The following MCTP1 variants were observed in gnomAD, a reference collection of about 807,000 sequenced individuals.
MCTP1 encodes the protein multiple C2 and transmembrane domain-containing protein 1.
In MCTP1, 69 loss-of-function variants were observed where a neutral mutation model predicts 120.6. That is an observed-to-expected ratio of 0.57 (90% CI 0.47 to 0.70). The LOEUF (loss-of-function observed/expected upper bound fraction) is 0.70, where lower values mean the gene tolerates loss of function less well. Ranked by LOEUF, MCTP1 falls within the 30% of genes least tolerant of loss-of-function variation. The pLI is 0.00. For missense variants in MCTP1, 1,203 were observed against 1,248.8 expected, an observed-to-expected ratio of 0.96 and a Z score of 0.55; for synonymous variants, 529 against 493.1, an observed-to-expected ratio of 1.07 and a Z score of -0.96.
At chr5:95,200,059 G>C (rs893053065) in intron 1 of MCTP1, among the ~76,000 whole-genome samples, 7 of 151,784 alleles carry the variant, frequency 4.6e-5, no homozygotes, top group African/African-American at 1.7e-4. Flanking sequence ...TACTTGGGAG[G>C]CTGAGGCAGG....
intron 1 of MCTP1, among the ~76,000 whole-genome samples, chr5:95,159,940 A>G: frequency 6.6e-6 from 1 of 152,134 alleles, no homozygotes; most frequent in East Asian, 1.9e-4. Context: ...AAGAGTCAAC[A>G]CACCTGGAAA....
chr5:95,125,720 T>C (rs1758572368), intron 1 of MCTP1, among the ~76,000 whole-genome samples: 1 of 152,236 alleles, frequency 6.6e-6, no homozygotes, highest in African/African-American at 2.4e-5. Context: ...TTCCAAGGGT[T>C]TGAAATAGTA....
intron 1 of MCTP1, among the ~76,000 whole-genome samples, chr5:95,103,194 C>T (rs1756864624): frequency 6.6e-6 from 1 of 151,744 alleles, no homozygotes; most frequent in Non-Finnish European, 1.5e-5. Context: ...AGCATTTCAA[C>T]AAAGTAGAAA....
chr5:94,722,713 T>C (rs1224134726), intron 19 of MCTP1, among the ~76,000 whole-genome samples: 1 of 152,194 alleles, frequency 6.6e-6, no homozygotes, highest in African/African-American at 2.4e-5. Context: ...CTTGCTTACA[T>C]AACCTTTGGC....
chr5:95,011,742 T>A (rs1031692692), intron 2 of MCTP1, among the ~76,000 whole-genome samples: 2 of 152,164 alleles, frequency 1.3e-5, no homozygotes, highest in Non-Finnish European at 2.9e-5. Flanking sequence ...ATTAAACCTC[T>A]TTTCTTCCTA....
rs549521360 is a variant in MCTP1 at position 95,220,713 on chromosome 5, G to A, written c.720+63143C>T. Among the ~76,000 whole-genome samples, 21 of 152,234 alleles carry A rather than the reference G, an allele frequency of 1.4e-4. No homozygotes were observed. In the South Asian group the frequency reaches 4.1e-3, roughly 30 times the overall value. On this transcript the variant is annotated intron_variant, in intron 1 of 22. Transcript: ENST00000515393. ...ATACATGCTTCAAATCCAGAGTCAT[G>A]GCAATATTTTTTTCTATTTTAAATA...
At chr5:94,876,180 C>A (rs999617290) in intron 12 of MCTP1, among the ~76,000 whole-genome samples, 2 of 152,096 alleles carry the variant, frequency 1.3e-5, no homozygotes, top group Non-Finnish European at 2.9e-5. Flanking sequence ...GCTTTTCAGA[C>A]CTAAATTTTA....
intron 17 of MCTP1, among the ~76,000 whole-genome samples, chr5:94,866,167 C>A (rs1463470052): frequency 6.6e-6 from 1 of 151,796 alleles, no homozygotes; most frequent in Non-Finnish European, 1.5e-5. Context: ...TGAGTTTCTC[C>A]ACATAAGAAA....
At chr5:95,073,831 A>T (rs1245626369) in intron 1 of MCTP1, among the ~76,000 whole-genome samples, 1 of 152,034 alleles carries the variant, frequency 6.6e-6, no homozygotes, top group East Asian at 1.9e-4. Context: ...GCTTTTCTTA[A>T]AATTTATACT....
At chr5:95,005,439 T>G (rs1834527147) in intron 2 of MCTP1, among the ~76,000 whole-genome samples, 1 of 151,586 alleles carries the variant, frequency 6.6e-6, no homozygotes, top group African/African-American at 2.4e-5. Flanking sequence ...GGCCAGGGGG[T>G]GGAATATTAT....
At chr5:95,052,968 T>G (rs1322458257) in intron 1 of MCTP1, among the ~76,000 whole-genome samples, 1 of 152,220 alleles carries the variant, frequency 6.6e-6, no homozygotes, top group Non-Finnish European at 1.5e-5. Context: ...AAAAGCACTT[T>G]ATACCCCTTT....
intron 1 of MCTP1, among the ~76,000 whole-genome samples, chr5:95,097,404 G>A (rs1178983877): frequency 6.6e-6 from 1 of 152,192 alleles, no homozygotes; most frequent in African/African-American, 2.4e-5. Context: ...TTGTAAGATT[G>A]ATTCAGGAAC....
chr5:94,883,857 C>T lies in MCTP1; in HGVS notation c.1933+5022G>A, dbSNP rs75919089. On this transcript the variant is annotated intron_variant, in intron 12 of 22. Transcript: ENST00000515393. The stretch of plus-strand genomic sequence containing the variant: ...GCATATGTCTTAAGCTATTTGCTAG[C>T]GTAACCCACCAAAAGTTAATTTTTT... Among the ~76,000 whole-genome samples the T allele has an allele frequency of 2.0e-4, 30 of 152,276 alleles. 2 individuals are homozygous for T. In the East Asian group the frequency reaches 5.6e-3, roughly 28 times the overall value.
At chr5:95,127,429 T>C (rs1003227800) in intron 1 of MCTP1, among the ~76,000 whole-genome samples, 3 of 152,146 alleles carry the variant, frequency 2.0e-5, no homozygotes, top group African/African-American at 7.2e-5. Flanking sequence ...GGGGGCTCCT[T>C]AGTCCTTCTG....
At chr5:94,947,577 T>TATATATATATATAGAGAG in intron 3 of MCTP1, among the ~76,000 whole-genome samples, 53 of 47,378 alleles carry the variant, frequency 1.1e-3, no homozygotes, top group African/African-American at 2.1e-3. Flanking sequence ...TATATATATA[T>TATATATATATATAGAGAG]AGAGAGAGAG....
intron 1 of MCTP1, among the ~76,000 whole-genome samples, chr5:95,218,806 A>G (rs1753332960): frequency 6.6e-6 from 1 of 152,230 alleles, no homozygotes; most frequent in African/African-American, 2.4e-5. Context: ...CTCTGAGGCT[A>G]CCAACCTACA....
At chr5:94,844,997 C>T (rs1791993038) in intron 17 of MCTP1, among the ~76,000 whole-genome samples, 1 of 152,170 alleles carries the variant, frequency 6.6e-6, no homozygotes, top group Admixed American at 6.5e-5. Context: ...AACTAAAGAG[C>T]TTCTGCACAA....
At position 94,799,117 on chromosome 5, in the gene MCTP1, C is replaced by A; in HGVS notation, c.2452G>T (p.Val818Phe). 1 of 1,611,434 alleles carries A rather than the reference C, an allele frequency of 6.2e-7. No individual in the cohort carries two copies. The highest frequency in any genetic ancestry group is 8.5e-7 in the Non-Finnish European group (1 of 1,178,510). The stretch of plus-strand genomic sequence containing the variant: ...ATCATGTAGAGCTCAAAGTTCCAGA[C>A]AACAAAGAGAAAGAGCTGGAGGAGA... Reference protein sequence around the residue: ...LAAFVLFLFVVWNFELYMIPL... With the variant: ...LAAFVLFLFVFWNFELYMIPL... The change falls in exon 18 of 23, where the codon GTC (valine) becomes TTC (phenylalanine). Residue 818 changes from valine to phenylalanine, a missense_variant. Physicochemically the swap from Val to Phe is conservative, Grantham distance 50. Around this residue, in one of 2 missense-constraint regions of MCTP1, gnomAD observed 740 missense variants for 871.1 expected, o/e 0.85. Transcript: ENST00000515393.
intron 1 of MCTP1, among the ~76,000 whole-genome samples, chr5:95,275,238 C>T (rs916305579): frequency 1.2e-4 from 19 of 152,314 alleles, no homozygotes; most frequent in Admixed American, 5.2e-4. Flanking sequence ...ACCTATGATG[C>T]TTTTAAAAAT....
Sources: allele counts gnomAD v4.1 joint callset (sites outside exome capture counted in the v4.1 genomes callset), GRCh38; gene constraint gnomAD v4.1.1; regional missense constraint gnomAD v4.1.1; transcripts MANE v1.5; gene names NCBI Gene and HGNC (gene_info 2026-07-23, HGNC 2026-07-21).